Variants in GPC6 observed in about 807,000 individuals in gnomAD.
The protein encoded by GPC6 is glypican 6.
A neutral mutation model predicts 55.2 loss-of-function variants in GPC6; 14 were observed. The observed-to-expected ratio is 0.25, with a 90% CI of 0.17 to 0.40. GPC6 has a LOEUF of 0.40. Ranked by LOEUF, GPC6 falls within the 10% of genes least tolerant of loss-of-function variation. GPC6 has a pLI of 1.00. For synonymous variants in GPC6, 278 were observed against 259.6 expected (o/e 1.07, Z -0.68); for missense variants, 641 against 708.5 (o/e 0.90, Z 1.08).
chr13:94,055,087 A>G (rs1884085633), intron 4 of GPC6, among the ~76,000 whole-genome samples: 1 of 152,130 alleles, frequency 6.6e-6, no homozygotes, highest in Non-Finnish European at 1.5e-5. Context: ...CTGTGTTTGG[A>G]TATTGTCGTC....
chr13:93,549,260 A>G (rs899684666), intron 2 of GPC6, among the ~76,000 whole-genome samples: 2 of 152,208 alleles, frequency 1.3e-5, no homozygotes, highest in Admixed American at 6.5e-5. Context: ...AAAGCATATT[A>G]AAACGTAGAC....
chr13:93,602,655 T>G (rs1878064392), intron 2 of GPC6, among the ~76,000 whole-genome samples: 1 of 152,200 alleles, frequency 6.6e-6, no homozygotes, highest in African/African-American at 2.4e-5. Flanking sequence ...TTCAGTAGTA[T>G]TAATCAATCA....
intron 2 of GPC6, among the ~76,000 whole-genome samples, chr13:93,799,141 C>A (rs1477087963): frequency 6.6e-6 from 1 of 152,016 alleles, no homozygotes; most frequent in Non-Finnish European, 1.5e-5. Context: ...AAAGTAACTG[C>A]AAATGTTACT....
chr13:93,847,057 C>A (rs951771138), intron 3 of GPC6, among the ~76,000 whole-genome samples: 1 of 152,040 alleles, frequency 6.6e-6, no homozygotes, highest in African/African-American at 2.4e-5. Flanking sequence ...TTTCATAATG[C>A]ATTTTTGTCT....
intron 1 of GPC6, among the ~76,000 whole-genome samples, chr13:93,326,708 T>C (rs1380247513): frequency 1.3e-5 from 2 of 152,226 alleles, no homozygotes. Flanking sequence ...AACTCATATT[T>C]ACAGATAACC....
chr13:93,442,673 C>G (rs2139290753), intron 1 of GPC6, among the ~76,000 whole-genome samples: 1 of 152,276 alleles, frequency 6.6e-6, no homozygotes, highest in East Asian at 1.9e-4. Context: ...TATCCCCAAA[C>G]ATATTATAAA....
chr13:93,854,163 A>G (rs1257215749), intron 3 of GPC6, among the ~76,000 whole-genome samples: 2 of 151,564 alleles, frequency 1.3e-5, no homozygotes, highest in African/African-American at 4.8e-5. Context: ...AATTCACTGA[A>G]TCCAACAGAG....
intron 6 of GPC6, among the ~76,000 whole-genome samples, chr13:94,308,437 T>G (rs935825286): frequency 6.6e-6 from 1 of 152,198 alleles, no homozygotes; most frequent in African/African-American, 2.4e-5. Context: ...GCAAACAGAA[T>G]GAAAATCTTC....
intron 4 of GPC6, among the ~76,000 whole-genome samples, chr13:94,158,962 TG>T (rs1203094386): frequency 2.6e-5 from 4 of 152,168 alleles, no homozygotes; most frequent in Non-Finnish European, 5.9e-5. Flanking sequence ...TCCATCCAGA[TG>T]TTCCCTAACC....
At chr13:93,985,161 G>A (rs924901426) in intron 3 of GPC6, among the ~76,000 whole-genome samples, 2 of 152,214 alleles carry the variant, frequency 1.3e-5, no homozygotes, top group South Asian at 2.1e-4. Flanking sequence ...AGGGCCAGGC[G>A]CAGGGGCTCA....
At chr13:93,663,288 T>C (rs935213328) in intron 2 of GPC6, among the ~76,000 whole-genome samples, 1 of 152,106 alleles carries the variant, frequency 6.6e-6, no homozygotes, top group African/African-American at 2.4e-5. Context: ...TTGTTTTGAA[T>C]TGGAATCACA....
At chr13:93,540,789 A>C (rs1882262332) in intron 1 of GPC6, among the ~76,000 whole-genome samples, 1 of 152,018 alleles carries the variant, frequency 6.6e-6, no homozygotes, top group African/African-American at 2.4e-5. Flanking sequence ...TATTCCTCCT[A>C]TTAGCTATAA....
chr13:93,343,958 C>G (rs1369758100), intron 1 of GPC6, among the ~76,000 whole-genome samples: 1 of 152,172 alleles, frequency 6.6e-6, no homozygotes, highest in African/African-American at 2.4e-5. Context: ...TGCTATATAT[C>G]CACGTCACCT....
intron 3 of GPC6, among the ~76,000 whole-genome samples, chr13:93,836,833 C>T (rs895863496): frequency 6.6e-6 from 1 of 151,938 alleles, no homozygotes; most frequent in Non-Finnish European, 1.5e-5. Context: ...AGAATCTTAC[C>T]ATGGTTCAGA....
intron 1 of GPC6, among the ~76,000 whole-genome samples, chr13:93,475,679 ATTT>A (rs1268462138): frequency 6.6e-6 from 1 of 152,174 alleles, no homozygotes; most frequent in Non-Finnish European, 1.5e-5. Context: ...AGATTAATTC[ATTT>A]TTAATGCTAG....
intron 4 of GPC6, among the ~76,000 whole-genome samples, chr13:94,115,235 G>A (rs1183742070): frequency 6.6e-6 from 1 of 151,982 alleles, no homozygotes; most frequent in African/African-American, 2.4e-5. Context: ...CAGTCATGTG[G>A]CTGCAAATGT....
intron 3 of GPC6, among the ~76,000 whole-genome samples, chr13:93,939,252 C>G (rs1413196278): frequency 6.6e-6 from 1 of 151,172 alleles, no homozygotes; most frequent in Non-Finnish European, 1.5e-5. Context: ...AGAAATTCTT[C>G]TTTAATGTTT....
At chr13:93,369,787 G>T (rs190158627) in intron 1 of GPC6, among the ~76,000 whole-genome samples, 31 of 152,172 alleles carry the variant, frequency 2.0e-4, no homozygotes, top group Admixed American at 2.0e-3. Context: ...ACTATAAAAA[G>T]AAATGTTCAA....
intron 2 of GPC6, among the ~76,000 whole-genome samples, chr13:93,587,072 T>C (rs1877234144): frequency 6.6e-6 from 1 of 152,218 alleles, no homozygotes; most frequent in Admixed American, 6.5e-5. Flanking sequence ...AGACAAGTGA[T>C]TTAAATTGCT....
Sources: allele counts gnomAD v4.1 joint callset (sites outside exome capture counted in the v4.1 genomes callset), GRCh38; gene constraint gnomAD v4.1.1; transcripts MANE v1.5; gene names NCBI Gene and HGNC (gene_info 2026-07-23, HGNC 2026-07-21).